Variants in BLTP1 observed in about 807,000 individuals in gnomAD.
The protein encoded by BLTP1 is fragile site-associated protein.
chr4:122,223,633 A>G, the BLTP1 span, among the ~76,000 whole-genome samples: 1 of 152,220 alleles, frequency 6.6e-6, no homozygotes, highest in East Asian at 1.9e-4. Context: ...GTCTGGAGGC[A>G]AGAACAGGAT....
chr4:122,239,210 T>C, the BLTP1 span, among the ~76,000 whole-genome samples: 6 of 152,060 alleles, frequency 3.9e-5, no homozygotes, highest in Admixed American at 1.3e-4. Context: ...TTAAAGGATG[T>C]GAAAGAAAAA....
chr4:122,197,274 G>A, the BLTP1 span: 3 of 1,476,740 alleles, frequency 2.0e-6, no homozygotes, highest in Middle Eastern at 2.2e-4. Context: ...TGAAGAAAAT[G>A]GTAAGCTGCA....
the BLTP1 span, chr4:122,307,416 C>G: frequency 1.1e-6 from 1 of 950,568 alleles, no homozygotes; most frequent in Non-Finnish European, 1.3e-6. Flanking sequence ...CTTCTCTGGC[C>G]TCTCCATCTT....
At chr4:122,157,835 T>C in the BLTP1 span, among the ~76,000 whole-genome samples, 2 of 152,224 alleles carry the variant, frequency 1.3e-5, no homozygotes, top group African/African-American at 4.8e-5. Context: ...TTGGCTATTA[T>C]GTGGATCCAT....
chr4:122,164,633 T>C, the BLTP1 span, among the ~76,000 whole-genome samples: 1 of 152,274 alleles, frequency 6.6e-6, no homozygotes, highest in East Asian at 1.9e-4. Flanking sequence ...TTTTGGGGTG[T>C]GGGGAAAGAG....
chr4:122,222,996 T>C, the BLTP1 span: 1 of 946,932 alleles, frequency 1.1e-6, no homozygotes, highest in Non-Finnish European at 1.3e-6. Flanking sequence ...TTCATAAAAA[T>C]TTTATACTGA....
chr4:122,250,052 A>T, the BLTP1 span: 4 of 845,912 alleles, frequency 4.7e-6, no homozygotes. Context: ...TCAGCGAAAA[A>T]TATCTACTTA....
the BLTP1 span, among the ~76,000 whole-genome samples, chr4:122,300,111 T>G: frequency 6.6e-6 from 1 of 152,214 alleles, no homozygotes; most frequent in South Asian, 2.1e-4. Flanking sequence ...TGGGTTCAAG[T>G]GATTCTCCTG....
chr4:122,170,522 T>C, the BLTP1 span: 1 of 1,338,036 alleles, frequency 7.5e-7, no homozygotes, highest in Non-Finnish European at 9.7e-7. Context: ...TTAATCAACT[T>C]CGTTTATTAA....
the BLTP1 span, chr4:122,356,962 G>A: frequency 3.1e-6 from 3 of 983,364 alleles, no homozygotes; most frequent in African/African-American, 3.5e-5. Context: ...ACTTTACAAA[G>A]TGTTTCTGTA....
At chr4:122,160,918 G>A in the BLTP1 span, among the ~76,000 whole-genome samples, 6 of 152,220 alleles carry the variant, frequency 3.9e-5, no homozygotes, top group African/African-American at 1.4e-4. Flanking sequence ...GCAGAGACCA[G>A]TTAAAGGTTT....
chr4:122,244,889 A>T, the BLTP1 span: 1 of 1,177,784 alleles, frequency 8.5e-7, no homozygotes, highest in Non-Finnish European at 1.2e-6. Flanking sequence ...TGTGGCTTAG[A>T]CATTCTCATT....
the BLTP1 span, chr4:122,230,135 G>C: frequency 6.2e-7 from 1 of 1,614,100 alleles, no homozygotes. Context: ...TGTTGATATT[G>C]CTTTAGCTGC....
the BLTP1 span, among the ~76,000 whole-genome samples, chr4:122,203,366 A>G: frequency 3.3e-5 from 5 of 151,720 alleles, no homozygotes; most frequent in African/African-American, 1.2e-4. Flanking sequence ...TAATGAAAAT[A>G]ACTTAGATTT....
the BLTP1 span, chr4:122,333,796 G>A: frequency 6.2e-7 from 1 of 1,608,654 alleles, no homozygotes; most frequent in Non-Finnish European, 8.5e-7. Flanking sequence ...TACATTCCCG[G>A]AGTTGATGTA....
chr4:122,246,321 T>A, the BLTP1 span: 2 of 1,534,482 alleles, frequency 1.3e-6, no homozygotes, highest in South Asian at 1.3e-5. Context: ...TATTTAAAAA[T>A]TTTTTCCTGA....
the BLTP1 span, chr4:122,152,849 G>C: frequency 2.5e-6 from 1 of 397,234 alleles, no homozygotes; most frequent in Non-Finnish European, 3.4e-6. Flanking sequence ...GCGGGTGATG[G>C]TAAGGCGCTC....
the BLTP1 span, chr4:122,186,908 A>T: frequency 2.0e-6 from 1 of 501,458 alleles, no homozygotes; most frequent in Non-Finnish European, 2.6e-6. Context: ...GTATATGGCC[A>T]GTTTTCTTAC....
At chr4:122,280,934 G>A in the BLTP1 span, among the ~76,000 whole-genome samples, 1 of 152,300 alleles carries the variant, frequency 6.6e-6, no homozygotes, top group South Asian at 2.1e-4. Flanking sequence ...GCTCCAAGGA[G>A]CTTTTCCTTA....
Sources: allele counts gnomAD v4.1 joint callset (sites outside exome capture counted in the v4.1 genomes callset), GRCh38; gene constraint gnomAD v4.1.1; transcripts MANE v1.5; gene names NCBI Gene and HGNC (gene_info 2026-07-23, HGNC 2026-07-21).